Variants in CTNND2 observed in about 807,000 individuals in gnomAD.
CTNND2 encodes the protein catenin delta-2.
In CTNND2, 22 loss-of-function variants were observed where a neutral mutation model predicts 144.4. The observed-to-expected ratio is 0.15, with a 90% CI of 0.11 to 0.22. The LOEUF (loss-of-function observed/expected upper bound fraction) is 0.22. Ranked by LOEUF, CTNND2 falls within the 10% of genes least tolerant of loss-of-function variation. CTNND2 has a pLI of 1.00. For synonymous variants in CTNND2, 751 were observed against 695.6 expected (o/e 1.08, Z -1.25); for missense variants, 1,353 against 1,618.8 (o/e 0.84, Z 2.82).
chr5:11,002,426 A>C (rs983895810), intron 18 of CTNND2, among the ~76,000 whole-genome samples: 1 of 152,198 alleles, frequency 6.6e-6, no homozygotes, highest in Non-Finnish European at 1.5e-5. Flanking sequence ...TGAATCACAG[A>C]AAGGATGGAG....
intron 1 of CTNND2, among the ~76,000 whole-genome samples, chr5:11,840,660 G>A (rs745403397): frequency 6.6e-6 from 1 of 152,096 alleles, no homozygotes; most frequent in East Asian, 1.9e-4. Context: ...GAGTGTTTAC[G>A]TGTAGGAATT....
intron 11 of CTNND2, 67 bp from the exon 12 acceptor site, chr5:11,159,826 C>T: frequency 7.6e-7 from 1 of 1,321,398 alleles, no homozygotes. Flanking sequence ...AAACTGTCTT[C>T]CTTATTTGAG....
At chr5:11,142,700 G>A (rs1756859542) in intron 12 of CTNND2, among the ~76,000 whole-genome samples, 1 of 146,390 alleles carries the variant, frequency 6.8e-6, no homozygotes. Context: ...TGCAAGCTCC[G>A]CCTCCCGGGT....
chr5:11,474,908 G>T (rs7709178), intron 3 of CTNND2, among the ~76,000 whole-genome samples: 7,212 of 152,148 alleles, frequency 0.047, 556 homozygotes, highest in African/African-American at 0.16. Flanking sequence ...GCCCTTCATT[G>T]GTTCACTGTG....
intron 12 of CTNND2, among the ~76,000 whole-genome samples, chr5:11,152,396 T>C (rs780324503): frequency 1.1e-4 from 16 of 152,354 alleles, no homozygotes; most frequent in Admixed American, 2.0e-4. Context: ...TGTTGTGCTA[T>C]ACAGGCCTGT....
At chr5:11,586,656 T>C (rs1312816879) in intron 2 of CTNND2, among the ~76,000 whole-genome samples, 1 of 152,190 alleles carries the variant, frequency 6.6e-6, no homozygotes, top group Non-Finnish European at 1.5e-5. Context: ...GACAAATAAA[T>C]ACATATATAT....
chr5:11,093,937 ATCT>A (rs1185405673), intron 15 of CTNND2, among the ~76,000 whole-genome samples: 2 of 152,166 alleles, frequency 1.3e-5, no homozygotes, highest in Non-Finnish European at 2.9e-5. Context: ...CTTCATGATA[ATCT>A]TCTGAAATCT....
At chr5:11,048,750 TA>T (rs1307616334) in intron 16 of CTNND2, among the ~76,000 whole-genome samples, 1 of 152,252 alleles carries the variant, frequency 6.6e-6, no homozygotes, top group African/African-American at 2.4e-5. Flanking sequence ...TGTGTAGACA[TA>T]ATCTATGCCT....
chr5:11,095,115 T>G (rs1751204808), intron 15 of CTNND2, among the ~76,000 whole-genome samples: 1 of 152,234 alleles, frequency 6.6e-6, no homozygotes, highest in Admixed American at 6.5e-5. Flanking sequence ...AGTAAATGCT[T>G]TTTAAACTTG....
intron 2 of CTNND2, among the ~76,000 whole-genome samples, chr5:11,604,143 GCTT>G (rs771492894): frequency 2.0e-5 from 3 of 152,132 alleles, no homozygotes; most frequent in African/African-American, 4.8e-5. Context: ...ATATTCACAG[GCTT>G]CTTCTCCTTT....
chr5:11,342,181 G>A (rs42687), intron 9 of CTNND2, among the ~76,000 whole-genome samples: 48,551 of 152,036 alleles, frequency 0.32, 8,177 homozygotes, highest in Admixed American at 0.48. Flanking sequence ...TTACCTAGTA[G>A]TAAAATATTT....
At chr5:11,026,982 A>G (rs1377525168) in intron 16 of CTNND2, among the ~76,000 whole-genome samples, 2 of 152,174 alleles carry the variant, frequency 1.3e-5, no homozygotes, top group Non-Finnish European at 2.9e-5. Flanking sequence ...ATTGAATGTT[A>G]TTTTTCCACA....
chr5:11,763,203 C>A (rs905847951), intron 1 of CTNND2, among the ~76,000 whole-genome samples: 1 of 152,192 alleles, frequency 6.6e-6, no homozygotes, highest in Non-Finnish European at 1.5e-5. Context: ...GCCATGATTC[C>A]TGTATACTTT....
At chr5:11,450,219 C>T (rs1765180026) in intron 3 of CTNND2, among the ~76,000 whole-genome samples, 1 of 152,136 alleles carries the variant, frequency 6.6e-6, no homozygotes, top group Non-Finnish European at 1.5e-5. Context: ...CCTTGGGCTG[C>T]CCCACATGAG....
At chr5:11,889,435 G>C (rs984649194) in intron 1 of CTNND2, among the ~76,000 whole-genome samples, 1 of 152,186 alleles carries the variant, frequency 6.6e-6, no homozygotes, top group Non-Finnish European at 1.5e-5. Context: ...ATTAGTGTTT[G>C]AGTGGGTAGC....
At chr5:10,979,315 C>T (rs917105001) in intron 21 of CTNND2, among the ~76,000 whole-genome samples, 1 of 152,218 alleles carries the variant, frequency 6.6e-6, no homozygotes, top group Admixed American at 6.5e-5. Flanking sequence ...ATAGTTGGGG[C>T]CTCCCTGGTG....
At chr5:11,099,583 T>C (rs1751678323) in intron 14 of CTNND2, among the ~76,000 whole-genome samples, 1 of 152,166 alleles carries the variant, frequency 6.6e-6, no homozygotes, top group African/African-American at 2.4e-5. Flanking sequence ...TTATTCCAAC[T>C]AAAATGCATC....
At chr5:11,852,899 T>C (rs1194273924) in intron 1 of CTNND2, among the ~76,000 whole-genome samples, 2 of 152,128 alleles carry the variant, frequency 1.3e-5, no homozygotes, top group African/African-American at 2.4e-5. Context: ...AGCTGAAAGG[T>C]CCAAGTAATC....
At chr5:11,264,590 G>A (rs563426509) in intron 9 of CTNND2, among the ~76,000 whole-genome samples, 32 of 152,234 alleles carry the variant, frequency 2.1e-4, no homozygotes, top group African/African-American at 7.2e-4. Context: ...GTAATCACTC[G>A]GCTACACTAT....
Sources: allele counts gnomAD v4.1 joint callset (sites outside exome capture counted in the v4.1 genomes callset), GRCh38; gene constraint gnomAD v4.1.1; transcripts MANE v1.5; gene names NCBI Gene and HGNC (gene_info 2026-07-23, HGNC 2026-07-21).